The following CCDC18 variants were observed in gnomAD, a reference collection of about 807,000 sequenced individuals.
CCDC18 encodes the protein coiled-coil domain-containing protein 18.
A neutral mutation model predicts 196.0 loss-of-function variants in CCDC18; 157 were observed. The ratio of observed to expected loss-of-function variants is 0.80; its 90% confidence interval spans 0.70 to 0.91. The LOEUF (loss-of-function observed/expected upper bound fraction) is 0.91. Ranked by LOEUF, CCDC18 falls within the 40% of genes least tolerant of loss-of-function variation. The probability of loss-of-function intolerance (pLI) is 0.00; values close to 1 mark genes in which losing one functional copy is unlikely to be tolerated. For missense variants in CCDC18, 1,465 were observed against 1,611.6 expected (o/e 0.91, Z 1.56); for synonymous variants, 482 against 529.2 (o/e 0.91, Z 1.22).
chr1:93,260,954 T>G (rs1180610564), intron 26 of CCDC18, among the ~76,000 whole-genome samples: 1 of 152,228 alleles, frequency 6.6e-6, no homozygotes. Context: ...GAACTCATCC[T>G]TTTTTATGGC....
chr1:93,208,390 A>G (rs2815414), intron 9 of CCDC18, among the ~76,000 whole-genome samples: 120,161 of 149,808 alleles, frequency 0.8, 48,601 homozygotes, highest in East Asian at 0.97. Flanking sequence ...GGAGTGCAGC[A>G]GCATGATCTC....
chr1:93,244,228 A>G (rs1215928175), intron 21 of CCDC18, among the ~76,000 whole-genome samples: 1 of 152,150 alleles, frequency 6.6e-6, no homozygotes, highest in Non-Finnish European at 1.5e-5. Flanking sequence ...ATCTCATGAG[A>G]CTTATTCACT....
intron 4 of CCDC18, among the ~76,000 whole-genome samples, chr1:93,188,209 T>G (rs775819860): frequency 2.6e-5 from 4 of 152,240 alleles, no homozygotes; most frequent in Non-Finnish European, 5.9e-5. Context: ...CTTTTGATGT[T>G]ACATATATGC....
At chr1:93,212,399 TG>T in intron 11 of CCDC18, 138 bp downstream of exon 11, 1 of 494,246 alleles carries the variant, frequency 2.0e-6, no homozygotes, top group Non-Finnish European at 3.4e-6. Flanking sequence ...TAGGTAAGCT[TG>T]TGTCATGGAG....
chr1:93,268,618 T>C (rs1297398880), intron 27 of CCDC18, among the ~76,000 whole-genome samples: 2 of 151,968 alleles, frequency 1.3e-5, no homozygotes, highest in Non-Finnish European at 2.9e-5. Flanking sequence ...GGGAGAAGGA[T>C]ATGAACAGAC....
intron 21 of CCDC18, among the ~76,000 whole-genome samples, chr1:93,244,394 A>T (rs532270347): frequency 9.2e-5 from 14 of 152,346 alleles, no homozygotes; most frequent in Admixed American, 8.5e-4. Context: ...ATTCAGTCAT[A>T]AAAACGAATG....
chr1:93,270,335 A>G lies in CCDC18; in HGVS notation c.3886-12A>G, dbSNP rs1452641684. 12 of 1,489,280 alleles carry G rather than the reference A, an allele frequency of 8.1e-6. No individual in the cohort carries two copies. Among genetic ancestry groups the G allele is most frequent in the Admixed American group, 6.2e-5 (3 of 48,660 alleles). The allele number at this position is 1,489,280 out of a possible 1,614,324, so 92.3% of individuals were successfully genotyped here. A position where few individuals can be genotyped will look rare whatever the true frequency, so the allele number is the denominator to read the frequency against. On this transcript the variant is annotated splice_polypyrimidine_tract_variant and intron_variant, in intron 27 of 28. Transcript: ENST00000690025. ...TGTATTGAGCACCTACTATGTACCA[A>G]TTTATCTGCAGGAATCAGAATTAAC... is the stretch of plus-strand genomic sequence containing the variant.
intron 23 of CCDC18, among the ~76,000 whole-genome samples, chr1:93,252,890 A>G (rs1236618973): frequency 1.3e-5 from 2 of 152,228 alleles, no homozygotes; most frequent in Non-Finnish European, 2.9e-5. Flanking sequence ...AAGGGCTTCA[A>G]GGTTGACATG....
intron 17 of CCDC18, among the ~76,000 whole-genome samples, chr1:93,231,944 C>T (rs1208613814): frequency 6.6e-6 from 1 of 152,170 alleles, no homozygotes; most frequent in African/African-American, 2.4e-5. Context: ...ACCATGGCTG[C>T]CTATGCTGTT....
At chr1:93,247,091 C>T in intron 23 of CCDC18, 137 bp downstream of exon 23, 2 of 495,418 alleles carry the variant, frequency 4.0e-6, no homozygotes, top group Non-Finnish European at 7.3e-6. Context: ...CAGAGTCGTT[C>T]TCTGTCACCC....
At chr1:93,239,044 C>A (rs1053096510) in intron 19 of CCDC18, among the ~76,000 whole-genome samples, 1 of 152,072 alleles carries the variant, frequency 6.6e-6, no homozygotes, top group Non-Finnish European at 1.5e-5. Context: ...ACATGCAAAG[C>A]TAAAGTTAAA....
At chr1:93,215,583 A>G (rs918922626) in intron 12 of CCDC18, among the ~76,000 whole-genome samples, 2 of 151,566 alleles carry the variant, frequency 1.3e-5, no homozygotes, top group African/African-American at 4.9e-5. Context: ...CAGTCTTCCA[A>G]GTATTTGAGA....
intron 13 of CCDC18, among the ~76,000 whole-genome samples, chr1:93,217,420 T>C (rs981697496): frequency 5.3e-5 from 8 of 152,210 alleles, no homozygotes; most frequent in African/African-American, 1.7e-4. Context: ...GGTTGACTAA[T>C]GTACTTTTAT....
At chr1:93,273,250 A>G (rs1234683318) in intron 28 of CCDC18, among the ~76,000 whole-genome samples, 2 of 152,068 alleles carry the variant, frequency 1.3e-5, no homozygotes, top group East Asian at 3.9e-4. Flanking sequence ...TTGTATTTTT[A>G]GTAGAGACGG....
intron 14 of CCDC18, among the ~76,000 whole-genome samples, chr1:93,218,728 T>C (rs145248234): frequency 6.6e-6 from 1 of 152,070 alleles, no homozygotes; most frequent in Non-Finnish European, 1.5e-5. Flanking sequence ...CAGGCTGATG[T>C]CAAACTCCTG....
intron 4 of CCDC18, among the ~76,000 whole-genome samples, chr1:93,188,108 TA>T (rs1169615597): frequency 6.6e-6 from 1 of 152,236 alleles, no homozygotes; most frequent in Non-Finnish European, 1.5e-5. Flanking sequence ...TGTGAGAAAG[TA>T]AGATACTAGT....
chr1:93,181,615 A>T (rs1179196422), intron 1 of CCDC18, among the ~76,000 whole-genome samples: 1 of 151,898 alleles, frequency 6.6e-6, no homozygotes, highest in Admixed American at 6.6e-5. Context: ...AGAGTTAGGG[A>T]GTTCTTTCTT....
intron 4 of CCDC18, among the ~76,000 whole-genome samples, chr1:93,188,983 G>A (rs947064749): frequency 6.6e-6 from 1 of 152,138 alleles, no homozygotes; most frequent in African/African-American, 2.4e-5. Context: ...AAACAATCCA[G>A]TTAAACTCTT....
intron 17 of CCDC18, among the ~76,000 whole-genome samples, chr1:93,227,909 G>A (rs889962147): frequency 6.9e-6 from 1 of 145,678 alleles, no homozygotes; most frequent in Non-Finnish European, 1.5e-5. Context: ...AGTGAGCTGT[G>A]ATCACGCCAC....
Sources: gnomAD v4.1 joint callset for allele counts (sites outside exome capture counted in the v4.1 genomes callset) on GRCh38, gnomAD v4.1.1 for gene constraint, MANE v1.5 for transcripts, NCBI Gene and HGNC (gene_info 2026-07-23, HGNC 2026-07-21) for gene names.